Variants in SMC2 observed in about 807,000 individuals in gnomAD.
The protein encoded by SMC2 is structural maintenance of chromosomes protein 2.
SMC2 carries 41 observed loss-of-function variants against 142.6 expected under a neutral mutation model. The observed-to-expected ratio is 0.29, with a 90% CI of 0.22 to 0.37. The LOEUF (loss-of-function observed/expected upper bound fraction) is 0.37. SMC2 is among the 10% of genes least tolerant of loss of function. The pLI is 1.00. For synonymous variants in SMC2, 463 were observed against 457.5 expected, an observed-to-expected ratio of 1.01 and a Z score of -0.15; for missense variants, 1,265 against 1,373.7, an observed-to-expected ratio of 0.92 and a Z score of 1.25.
chr9:104,118,743 G>A (rs1833403949), intron 15 of SMC2, among the ~76,000 whole-genome samples: 1 of 152,120 alleles, frequency 6.6e-6, no homozygotes, highest in Non-Finnish European at 1.5e-5. Flanking sequence ...CTAGCCATAT[G>A]TGACTTTTTA....
intron 9 of SMC2, among the ~76,000 whole-genome samples, chr9:104,104,644 G>C (rs1831543259): frequency 6.6e-6 from 1 of 152,162 alleles, no homozygotes; most frequent in South Asian, 2.1e-4. Context: ...TGTAAGCCAG[G>C]GAGGGAAGAA....
chr9:104,130,913 CTTT>C (rs933027277), intron 21 of SMC2, among the ~76,000 whole-genome samples: 1 of 150,908 alleles, frequency 6.6e-6, no homozygotes, highest in South Asian at 2.1e-4. Flanking sequence ...AGCAGATGGC[CTTT>C]TTTTTTCTTG....
intron 23 of SMC2, among the ~76,000 whole-genome samples, chr9:104,137,637 A>T (rs1261698429): frequency 2.0e-5 from 3 of 148,990 alleles, no homozygotes; most frequent in Non-Finnish European, 4.4e-5. Context: ...TACCAAGATC[A>T]TAGTTATTGT....
chr9:104,117,839 GT>G (rs1833298257), intron 14 of SMC2, among the ~76,000 whole-genome samples: 2 of 152,128 alleles, frequency 1.3e-5, no homozygotes, highest in Admixed American at 6.5e-5. Flanking sequence ...TACTCAATCT[GT>G]ACTATAATTA....
intron 12 of SMC2, among the ~76,000 whole-genome samples, 190 bp from the exon 13 acceptor site, chr9:104,114,501 A>C (rs1462551933): frequency 6.6e-6 from 1 of 151,980 alleles, no homozygotes; most frequent in Admixed American, 6.6e-5. Context: ...TGAAAGATCT[A>C]TTGTGATTTA....
chr9:104,119,012 A>G (rs1833434019), intron 15 of SMC2, among the ~76,000 whole-genome samples: 1 of 152,176 alleles, frequency 6.6e-6, no homozygotes, highest in Admixed American at 6.5e-5. Flanking sequence ...AGGGTGGCAG[A>G]GCTTAGAATC....
intron 17 of SMC2, 56 bp downstream of exon 17, chr9:104,123,288 A>C: frequency 1.3e-6 from 2 of 1,552,478 alleles, no homozygotes; most frequent in Non-Finnish European, 1.8e-6. Context: ...CCGTTACCTT[A>C]CTTTAGGTAT....
At chr9:104,099,727 T>C (rs777513333) in intron 5 of SMC2, 45 bp downstream of exon 5, 4 of 1,160,182 alleles carry the variant, frequency 3.4e-6, no homozygotes, top group South Asian at 2.7e-5. Context: ...GGTATAGATA[T>C]TACTTTAATC....
chr9:104,102,954 A>G (rs1256943861), intron 9 of SMC2, among the ~76,000 whole-genome samples: 1 of 152,122 alleles, frequency 6.6e-6, no homozygotes, highest in Non-Finnish European at 1.5e-5. Context: ...ATACAGTATG[A>G]ATATAATAGG....
rs770558864 is a variant in SMC2 at position 104,111,797 on chromosome 9, C to G, written c.1237C>G (p.Gln413Glu). The change falls in exon 10 of 25, where the codon CAG becomes GAG. Residue 413 changes from glutamine (Q) to glutamate (E), a missense_variant. By Grantham distance (29) the Gln-to-Glu change is conservative. Transcript: ENST00000374793. ...MACKNDISKA[Q>E]TEAKQAQMKL... ...CTGTAAAAATGATATAAGTAAAGCTCAGACAGAAGCCAAACAGGTAAATAG... is the reference window on the plus strand; with the variant it reads ...CTGTAAAAATGATATAAGTAAAGCTGAGACAGAAGCCAAACAGGTAAATAG... 3 of 1,613,014 alleles carry G rather than the reference C, an allele frequency of 1.9e-6. No homozygotes were observed. The Admixed American group carries it at 5.0e-5, about 27-fold the overall frequency.
intron 2 of SMC2, 86 bp downstream of exon 2, chr9:104,095,638 C>T (rs1830370274): frequency 9.8e-7 from 1 of 1,021,290 alleles, no homozygotes; most frequent in Admixed American, 2.2e-5. Context: ...ATATTCTCTT[C>T]ATTTGTGTTT....
Position 104,114,762 on chromosome 9 carries a change from C to A in SMC2, c.1604C>A (p.Thr535Asn), listed in dbSNP as rs767892508. 1 of 1,612,898 alleles carries A rather than the reference C, an allele frequency of 6.2e-7. No homozygotes were observed. The highest frequency in any genetic ancestry group is 1.7e-5 in the Admixed American group (1 of 60,024). Residue 535 changes from threonine to asparagine, a missense_variant, in exon 13 of 25, where the codon ACT (threonine) becomes AAT (asparagine). This residue lies in a region of SMC2 where 898 missense variants were observed against 904.2 expected (regional missense o/e 0.99). Transcript: ENST00000374793. ...LVASLISVKD[T>N]SATTALELVA... is the part of the protein sequence containing the mutation. ...GCTTCTCTGATTAGTGTGAAAGACA[C>A]TTCTGCAACCACAGCTTTAGAATTA...
intron 15 of SMC2, 79 bp from the exon 16 acceptor site, chr9:104,119,948 A>ATTCTC: frequency 1.5e-6 from 2 of 1,330,498 alleles, no homozygotes; most frequent in Non-Finnish European, 2.1e-6. Flanking sequence ...TTTGAGTATA[A>ATTCTC]TTCTCTTAGA....
In SMC2 at chr9:104,127,554, G is replaced by T. The variant is rs1411298938; in HGVS notation, c.2790+74G>T. On this transcript the variant is annotated intron_variant, in intron 20 of 24. Transcript: ENST00000374793. ...AGCTCTTGAAAAAATTTAGAAAACTGCTTGATAGAGAACTCTATAAATATA... is the reference window on the plus strand; with the variant it reads ...AGCTCTTGAAAAAATTTAGAAAACTTCTTGATAGAGAACTCTATAAATATA... The T allele has an allele frequency of 2.6e-6, 3 of 1,133,328 alleles. No individual in the cohort carries two copies. The African/African-American group carries it at 4.7e-5, about 18-fold the overall frequency. The allele number at this position is 1,133,328 out of a possible 1,614,324, so 70.2% of individuals were successfully genotyped here.
rs1835914129 is a variant in SMC2, at chr9:104,139,834, C to T, written c.*519C>T. The T allele has an allele frequency of 6.6e-6, 1 of 152,126 alleles. No individual in the cohort carries two copies. Among genetic ancestry groups the T allele is most frequent in the African/African-American group, 2.4e-5 (1 of 41,398 alleles). 9.4% of individuals were successfully genotyped at this position (152,126 alleles called of 1,614,324 possible). A position where few individuals can be genotyped will look rare whatever the true frequency, so the allele number is the denominator to read the frequency against. On this transcript the variant is annotated 3_prime_UTR_variant, in exon 25 of 25. Coordinates refer to ENST00000374793, the MANE Select transcript of SMC2 (RefSeq NM_006444.3). ...TTTTTTAAGGCCACAACTCCAGACC[C>T]CTGATTTAGACTGAGATAGGAAACA...
chr9:104,095,967 G>A (rs1468918552), intron 2 of SMC2, among the ~76,000 whole-genome samples, 181 bp from the exon 3 acceptor site: 1 of 152,180 alleles, frequency 6.6e-6, no homozygotes, highest in Non-Finnish European at 1.5e-5. Flanking sequence ...AGAGAAAAGT[G>A]TCCATTGCAG....
At chr9:104,125,134 AC>A in intron 18 of SMC2, 29 bp downstream of exon 18, 1 of 1,510,040 alleles carries the variant, frequency 6.6e-7, no homozygotes, top group Non-Finnish European at 8.9e-7. Flanking sequence ...AATTGAACCA[AC>A]CTTTTAAAGT....
chr9:104,094,535 CGG>C, intron 1 of SMC2, 58 bp downstream of exon 1: 1 of 229,524 alleles, frequency 4.4e-6, no homozygotes, highest in Non-Finnish European at 7.4e-6. Context: ...TGGCGGGAGG[CGG>C]GAGGCGGGAG....
At chr9:104,113,498 A>G in intron 11 of SMC2, 23 bp downstream of exon 11, 1 of 1,565,782 alleles carries the variant, frequency 6.4e-7, no homozygotes, top group Middle Eastern at 2.0e-4. Context: ...AAACATGATA[A>G]TCAGATCATG....
Sources: allele counts gnomAD v4.1 joint callset (sites outside exome capture counted in the v4.1 genomes callset), GRCh38; gene constraint gnomAD v4.1.1; regional missense constraint gnomAD v4.1.1; transcripts MANE v1.5; gene names NCBI Gene and HGNC (gene_info 2026-07-23, HGNC 2026-07-21).